Variants in SEMA3A observed in about 807,000 individuals in gnomAD.
The protein encoded by SEMA3A is semaphorin 3A.
Under a neutral mutation model 97.9 loss-of-function variants are expected in SEMA3A, and 29 were observed. That is an observed-to-expected ratio of 0.30 (90% confidence interval 0.22 to 0.40). SEMA3A has a LOEUF of 0.40. Among genes scored for constraint, SEMA3A ranks in the 10% least tolerant of loss-of-function variants. The probability of loss-of-function intolerance (pLI) is 1.00; values close to 1 mark genes in which losing one functional copy is unlikely to be tolerated. For synonymous variants in SEMA3A, 321 were observed against 323.7 expected (o/e 0.99, Z 0.09); for missense variants, 763 against 951.3 (o/e 0.80, Z 2.60).
chr7:84,374,928 C>T (rs1010235769), intron 1 of SEMA3A, among the ~76,000 whole-genome samples: 11 of 152,154 alleles, frequency 7.2e-5, no homozygotes, highest in Admixed American at 4.6e-4. Flanking sequence ...CACTATGACT[C>T]GTTATCTGCA....
At chr7:84,369,930 G>C (rs1802936104) in intron 2 of SEMA3A, among the ~76,000 whole-genome samples, 1 of 150,608 alleles carries the variant, frequency 6.6e-6, no homozygotes, top group Non-Finnish European at 1.5e-5. Context: ...GGTAGAGGCT[G>C]GACCTGTTAT....
chr7:84,395,592 TG>T (rs967783259), intron 1 of SEMA3A, among the ~76,000 whole-genome samples: 6 of 133,158 alleles, frequency 4.5e-5, no homozygotes, highest in African/African-American at 6.8e-5. Flanking sequence ...AATTGAATCA[TG>T]GGGGGAGATA....
At chr7:84,373,769 A>T (rs967311776) in intron 1 of SEMA3A, among the ~76,000 whole-genome samples, 5 of 152,212 alleles carry the variant, frequency 3.3e-5, no homozygotes, top group Admixed American at 6.5e-5. Context: ...GTTAATAATA[A>T]TAACATTCAA....
intron 1 of SEMA3A, among the ~76,000 whole-genome samples, chr7:84,488,317 TACACACACACACACAC>T (rs67659986): frequency 6.9e-6 from 1 of 145,672 alleles, no homozygotes; most frequent in South Asian, 2.2e-4. Flanking sequence ...TCTTCGTATA[TACACACACACACACAC>T]ACACACACAC....
chr7:84,158,520 C>T (rs912904894), intron 1 of SEMA3A, among the ~76,000 whole-genome samples: 1 of 152,102 alleles, frequency 6.6e-6, no homozygotes, highest in Non-Finnish European at 1.5e-5. Flanking sequence ...GTTAGATTTT[C>T]TTATGAGGGC....
chr7:84,095,358 CATATATATATATAT>C (rs200107086), intron 4 of SEMA3A, among the ~76,000 whole-genome samples: 12 of 122,886 alleles, frequency 9.8e-5, no homozygotes, highest in African/African-American at 3.1e-4. Flanking sequence ...TTTTTATATA[CATATATATATATAT>C]ATATATATAT....
At position 84,002,003 on chromosome 7, in the gene SEMA3A, A is replaced by G. The variant is rs117178023; in HGVS notation, c.1404T>C (p.Thr468=). The change falls in exon 12 of 17, where the codon ACT becomes ACC. Residue 468 remains threonine (T), a synonymous_variant. Coordinates refer to ENST00000265362, the MANE Select transcript of SEMA3A (RefSeq NM_006080.3). The stretch of plus-strand genomic sequence containing the variant: ...GCAGAACCTCTTCTAAATCATACCA[A>G]GTCTCCTTAGGAATTGAAACTACTT... ...VLKVVSIPKE[T]WYDLEEVLLE... is the part of the protein sequence containing the mutation. The G allele has an allele frequency of 8.7e-6, 14 of 1,612,856 alleles. No homozygotes were observed. The East Asian group carries it at 8.9e-5, about 10-fold the overall frequency.
intron 3 of SEMA3A, among the ~76,000 whole-genome samples, chr7:84,250,997 G>C (rs190568670): frequency 2.4e-4 from 36 of 152,282 alleles, no homozygotes; most frequent in Admixed American, 1.2e-3. Flanking sequence ...ATTAAATGGA[G>C]ATGAGACAGT....
At chr7:84,374,362 C>T (rs973779216) in intron 1 of SEMA3A, among the ~76,000 whole-genome samples, 18 of 152,068 alleles carry the variant, frequency 1.2e-4, no homozygotes, top group Non-Finnish European at 2.2e-4. Flanking sequence ...GTATGTCCAT[C>T]GAAAAATATA....
At chr7:84,149,406 G>C (rs560392831) in intron 1 of SEMA3A, among the ~76,000 whole-genome samples, 62 of 152,260 alleles carry the variant, frequency 4.1e-4, no homozygotes, top group Non-Finnish European at 6.2e-4. Flanking sequence ...GACCCTTAAG[G>C]ACAACTCATG....
At chr7:84,339,849 T>C (rs895779389) in intron 2 of SEMA3A, among the ~76,000 whole-genome samples, 2 of 152,152 alleles carry the variant, frequency 1.3e-5, no homozygotes, top group African/African-American at 2.4e-5. Flanking sequence ...ATATAGCATC[T>C]TTAAGGAACA....
At chr7:84,059,325 G>C (rs1250328746) in intron 5 of SEMA3A, among the ~76,000 whole-genome samples, 1 of 152,120 alleles carries the variant, frequency 6.6e-6, no homozygotes, top group African/African-American at 2.4e-5. Flanking sequence ...CAACAGAGGA[G>C]ATAATTCATG....
chr7:84,435,087 A>G (rs1009287364), intron 1 of SEMA3A, among the ~76,000 whole-genome samples: 1 of 152,220 alleles, frequency 6.6e-6, no homozygotes, highest in African/African-American at 2.4e-5. Context: ...TGACTACATC[A>G]TTGTATACCT....
chr7:84,321,067 C>T (rs1313575070), intron 2 of SEMA3A, among the ~76,000 whole-genome samples: 2 of 152,042 alleles, frequency 1.3e-5, no homozygotes, highest in African/African-American at 4.8e-5. Flanking sequence ...TTGATAATAA[C>T]AAGTTTGATT....
chr7:84,061,307 A>G (rs1008586576), intron 4 of SEMA3A, among the ~76,000 whole-genome samples: 1 of 152,164 alleles, frequency 6.6e-6, no homozygotes, highest in African/African-American at 2.4e-5. Context: ...AAATATACAC[A>G]TGTCTCAAGG....
chr7:84,191,924 C>A (rs1207711270), intron 1 of SEMA3A, among the ~76,000 whole-genome samples: 1 of 151,840 alleles, frequency 6.6e-6, no homozygotes, highest in African/African-American at 2.4e-5. Flanking sequence ...GATATGTACA[C>A]CCGCTACAAA....
At chr7:83,989,533 GT>G (rs1789802604) in intron 12 of SEMA3A, among the ~76,000 whole-genome samples, 1 of 137,958 alleles carries the variant, frequency 7.2e-6, no homozygotes, top group Non-Finnish European at 1.5e-5. Flanking sequence ...TGATCTCATT[GT>G]TCAATTCCCA....
chr7:84,049,880 A>G (rs1271951341), intron 5 of SEMA3A, among the ~76,000 whole-genome samples: 5 of 101,194 alleles, frequency 4.9e-5, no homozygotes, highest in East Asian at 6.4e-4. Context: ...CCACCCCACC[A>G]CAGTCCCCAG....
intron 16 of SEMA3A, 32 bp downstream of exon 16, chr7:83,963,173 T>A: frequency 1.9e-6 from 3 of 1,607,366 alleles, no homozygotes; most frequent in Non-Finnish European, 2.5e-6. Context: ...GTATCTTAGA[T>A]ATAAATGATC....
Sources: gnomAD v4.1 joint callset for allele counts (sites outside exome capture counted in the v4.1 genomes callset) on GRCh38, gnomAD v4.1.1 for gene constraint, MANE v1.5 for transcripts, NCBI Gene and HGNC (gene_info 2026-07-23, HGNC 2026-07-21) for gene names.